The following MYO1H variants were observed in gnomAD, a reference collection of about 807,000 sequenced individuals.
MYO1H encodes the protein unconventional myosin-Ih.
MYO1H carries 118 observed loss-of-function variants against 149.3 expected under a neutral mutation model. That is an observed-to-expected ratio of 0.79 (90% CI 0.68 to 0.92). The LOEUF (loss-of-function observed/expected upper bound fraction) is 0.92, where lower values mean the gene tolerates loss of function less well. MYO1H is among the 40% of genes least tolerant of loss of function. MYO1H has a pLI of 0.00. For synonymous variants in MYO1H, 447 were observed against 465.2 expected (o/e 0.96, Z 0.50); for missense variants, 1,212 against 1,280.7 (o/e 0.95, Z 0.82).
At chr12:109,396,882 C>T (rs924218799) in intron 4 of MYO1H, among the ~76,000 whole-genome samples, 1 of 116,076 alleles carries the variant, frequency 8.6e-6, no homozygotes, top group Non-Finnish European at 1.6e-5. Flanking sequence ...GCCTGGAGTA[C>T]AGTGGCACAA....
intron 16 of MYO1H, 77 bp from the exon 17 acceptor site, chr12:109,424,671 A>C (rs1269248506): frequency 1.8e-6 from 2 of 1,128,522 alleles, no homozygotes; most frequent in African/African-American, 3.1e-5. Flanking sequence ...CTTCATGCAC[A>C]CTCTGTGAGC....
chr12:109,447,017 C>T (rs1872511729), intron 31 of MYO1H, 142 bp from the exon 32 acceptor site: 3 of 799,558 alleles, frequency 3.8e-6, no homozygotes, highest in Non-Finnish European at 6.4e-6. Context: ...CTAAGTCTGG[C>T]TTGTCTCATG....
chr12:109,319,519 C>T, the MYO1H span, among the ~76,000 whole-genome samples: 1 of 152,154 alleles, frequency 6.6e-6, no homozygotes, highest in Non-Finnish European at 1.5e-5. Context: ...GAATGTAACA[C>T]TAATGAACTG....
intron 10 of MYO1H, 84 bp from the exon 11 acceptor site, chr12:109,409,473 G>A (rs1400628716): frequency 2.5e-6 from 3 of 1,181,804 alleles, no homozygotes; most frequent in Non-Finnish European, 3.8e-6. Context: ...TTAGCGCCAA[G>A]TCCCAGTTTA....
the MYO1H span, among the ~76,000 whole-genome samples, chr12:109,340,940 A>C: frequency 6.6e-6 from 1 of 152,156 alleles, no homozygotes; most frequent in Non-Finnish European, 1.5e-5. Flanking sequence ...TAATCCCCGC[A>C]CTTTGGGAGG....
the MYO1H span, among the ~76,000 whole-genome samples, chr12:109,326,522 TA>T: frequency 1.5e-5 from 2 of 129,480 alleles, no homozygotes; most frequent in African/African-American, 6.0e-5. Context: ...TATTTTATTT[TA>T]TTTTATTTTA....
chr12:109,363,892 AACAG>A (rs1229979250), intron 1 of MYO1H, among the ~76,000 whole-genome samples: 2 of 151,432 alleles, frequency 1.3e-5, no homozygotes, highest in Non-Finnish European at 2.9e-5. Context: ...CAGTGGGGAA[AACAG>A]ACAGACATCA....
At chr12:109,359,280 T>G (rs1384130501) in intron 1 of MYO1H, 2 of 151,866 alleles carry the variant, frequency 1.3e-5, no homozygotes, top group Non-Finnish European at 2.9e-5. Context: ...TGTGTTAAAG[T>G]GGGGACAAGC....
At chr12:109,332,285 A>G in the MYO1H span, among the ~76,000 whole-genome samples, 3 of 152,216 alleles carry the variant, frequency 2.0e-5, no homozygotes, top group Admixed American at 2.0e-4. Flanking sequence ...GAATCCTCCA[A>G]TAGTGGTCAG....
chr12:109,382,794 CT>C (rs1158988861), intron 1 of MYO1H, among the ~76,000 whole-genome samples: 3 of 150,316 alleles, frequency 2.0e-5, no homozygotes, highest in Admixed American at 6.6e-5. Context: ...GTTTGTTGTA[CT>C]TTTGTTAGTT....
intron 19 of MYO1H, among the ~76,000 whole-genome samples, chr12:109,430,421 C>T (rs1262874106): frequency 1.3e-5 from 2 of 152,132 alleles, no homozygotes; most frequent in African/African-American, 2.4e-5. Flanking sequence ...CTAGCTTTGG[C>T]GGTGCATGCT....
chr12:109,427,523 A>G, exon 19 of MYO1H: 1 of 1,613,060 alleles, frequency 6.2e-7, no homozygotes. Flanking sequence ...GGGCTGATGG[A>G]GCACCTGCGG....
chr12:109,418,684 G>A (rs1030841965), intron 15 of MYO1H, among the ~76,000 whole-genome samples: 2 of 72,818 alleles, frequency 2.7e-5, no homozygotes, highest in African/African-American at 1.1e-4. Context: ...TAGTAGCTGG[G>A]ACTACAGGCA....
chr12:109,317,609 G>A, the MYO1H span, among the ~76,000 whole-genome samples: 1 of 152,038 alleles, frequency 6.6e-6, no homozygotes, highest in Non-Finnish European at 1.5e-5. Context: ...TTTGATGTAG[G>A]GCTCACAGCA....
chr12:109,316,447 A>G, the MYO1H span, among the ~76,000 whole-genome samples: 1 of 151,984 alleles, frequency 6.6e-6, no homozygotes, highest in African/African-American at 2.4e-5. Flanking sequence ...ATCTCTTCCC[A>G]TTTGTGTCTG....
chr12:109,373,572 A>G (rs777981314), intron 1 of MYO1H, among the ~76,000 whole-genome samples: 101 of 152,154 alleles, frequency 6.6e-4, no homozygotes, highest in Non-Finnish European at 8.5e-4. Flanking sequence ...CCTGGAATAA[A>G]TCCCATTTGG....
At chr12:109,392,983 G>A (rs758896587) in intron 2 of MYO1H, among the ~76,000 whole-genome samples, 5 of 151,580 alleles carry the variant, frequency 3.3e-5, no homozygotes, top group Non-Finnish European at 5.9e-5. Context: ...CTAATTTTTT[G>A]TATTTTTAGT....
chr12:109,389,164 A>C (rs1185028127), intron 2 of MYO1H, among the ~76,000 whole-genome samples: 1 of 152,064 alleles, frequency 6.6e-6, no homozygotes, highest in Non-Finnish European at 1.5e-5. Flanking sequence ...TTAGGCATCC[A>C]TTTCTTTCTC....
chr12:109,445,890 T>C, intron 31 of MYO1H: 2 of 985,456 alleles, frequency 2.0e-6, no homozygotes, highest in South Asian at 9.4e-5. Context: ...GTCTAACTTT[T>C]CACTGGATAA....
Sources: allele counts gnomAD v4.1 joint callset (sites outside exome capture counted in the v4.1 genomes callset), GRCh38; gene constraint gnomAD v4.1.1; transcripts MANE v1.5; gene names NCBI Gene and HGNC (gene_info 2026-07-23, HGNC 2026-07-21).